The following PKN3 variants were observed in gnomAD, a reference collection of about 807,000 sequenced individuals.
PKN3 encodes the protein protein kinase N3, also known as serine/threonine-protein kinase N3.
In PKN3, 91 loss-of-function variants were observed where a neutral mutation model predicts 113.1. The observed-to-expected ratio is 0.80, with a 90% CI of 0.68 to 0.96. PKN3 has a LOEUF of 0.96. PKN3 is among the 40% of genes least tolerant of loss of function. The probability of loss-of-function intolerance (pLI) is 0.00; values close to 1 mark genes in which losing one functional copy is unlikely to be tolerated. For missense variants in PKN3, 1,052 were observed against 1,202.2 expected, an observed-to-expected ratio of 0.88 and a Z score of 1.85; for synonymous variants, 467 against 499.0, an observed-to-expected ratio of 0.94 and a Z score of 0.85.
At chr9:128,706,660 G>A (rs942205660) in intron 3 of PKN3, 53 bp from the exon 4 acceptor site, 50 of 1,332,672 alleles carry the variant, frequency 3.8e-5, no homozygotes, top group Admixed American at 8.3e-5. Context: ...TGGTCTGATG[G>A]GGGAAGCTGT....
chr9:128,709,768 T>G (rs1266833591), intron 6 of PKN3: 2 of 146,510 alleles, frequency 1.4e-5, no homozygotes, highest in African/African-American at 2.5e-5. Flanking sequence ...AAAAAAAAAT[T>G]TGCAAAAATT....
chr9:128,703,523 CAGT>C, intron 1 of PKN3: 2 of 985,212 alleles, frequency 2.0e-6, no homozygotes, highest in Non-Finnish European at 2.4e-6. Context: ...CCAGAGCTGG[CAGT>C]AGGTGCGCGT....
chr9:128,706,303 C>T (rs978388747), intron 3 of PKN3, among the ~76,000 whole-genome samples: 1 of 148,520 alleles, frequency 6.7e-6, no homozygotes, highest in African/African-American at 2.5e-5. Context: ...TAGCCCCTGC[C>T]CTCATCTAAT....
Position 128,714,862 on chromosome 9 carries a change from C to G in PKN3, c.1649C>G (p.Thr550Ser). 1.9e-6 allele frequency: 3 copies of G among 1,613,652 alleles called. No homozygotes were observed. The highest frequency in any genetic ancestry group is 2.5e-6 in the Non-Finnish European group (3 of 1,179,598). The change falls in exon 13 of 22, where the codon ACC (threonine) becomes AGC (serine). Residue 550 changes from threonine (T) to serine (S), a missense_variant. Thr to Ser is a moderately conservative substitution (Grantham distance 58, BLOSUM62 1). Coordinates refer to ENST00000291906, the MANE Select transcript of PKN3 (RefSeq NM_013355.5). ...GGGCCATCTCCACCAGCCTCCCCCACCAGGTACCCCATCCTGCGCACCTTC... is the reference window on the plus strand; with the variant it reads ...GGGCCATCTCCACCAGCCTCCCCCAGCAGGTACCCCATCCTGCGCACCTTC... ...RRGPSPPASP[T>S]RKPPRLQDFR...
Position 128,714,255 on chromosome 9 carries a change from C to G in PKN3, c.1371C>G (p.Leu457=). The change falls in exon 11 of 22, where the codon CTC becomes CTG. Residue 457 remains leucine (L), a synonymous_variant. Coordinates refer to ENST00000291906, the MANE Select transcript of PKN3 (RefSeq NM_013355.5). The part of the protein sequence containing the change: ...MNLGMAAWGR[L]VMNLLPPCSS... ...TCGGCATGGCGGCCTGGGGGCGCCTCGTCATGAACCTGCTGCCCCCCTGCA... is the reference window on the plus strand; with the variant it reads ...TCGGCATGGCGGCCTGGGGGCGCCTGGTCATGAACCTGCTGCCCCCCTGCA... 6.2e-7 allele frequency: 1 copy of G among 1,613,846 alleles called. No homozygotes were observed.
At chr9:128,717,117 C>CTTTTT (rs34182369) in intron 16 of PKN3, among the ~76,000 whole-genome samples, 194 bp downstream of exon 16, 1,118 of 24,332 alleles carry the variant, frequency 0.046, 428 homozygotes, top group African/African-American at 0.13. Context: ...CATTAGGTTT[C>CTTTTT]TTTTTTTTTT....
In PKN3 at chr9:128,713,187, G is replaced by A. The variant is rs1014967827; in HGVS notation, c.971G>A (p.Gly324Asp). The change falls in exon 7 of 22, where the codon GGC (glycine) becomes GAC (aspartate). Residue 324 changes from glycine (G) to aspartate (D), a missense_variant. This residue lies in a region of PKN3 where 719 missense variants were observed against 759.4 expected (regional missense o/e 0.95). Coordinates refer to ENST00000291906, the MANE Select transcript of PKN3 (RefSeq NM_013355.5). ...RTKAKHQRGRGELASEVLAVL... is the reference protein window; with the variant it reads ...RTKAKHQRGRDELASEVLAVL... ...AAGGCCAAGCACCAGCGTGGCCGAG[G>A]CGAGCTTGCCAGTGAGTAGGGAAGG... The A allele has an allele frequency of 6.2e-7, 1 of 1,606,984 alleles. No homozygotes were observed. Among genetic ancestry groups the A allele is most frequent in the African/African-American group, 1.3e-5 (1 of 74,812 alleles).
chr9:128,706,733 T>G lies in PKN3; in HGVS notation c.432T>G (p.Ala144=). ...CATAGGAGAGGAAGCTCCTGGCAGC[T>G]GCCCAGCAGATGCTGCGGGACAGCC... ...GTPKERKLLA[A]AQQMLRDSQL... Residue 144 remains alanine (A), a synonymous_variant, in exon 4 of 22, where the codon GCT becomes GCG. Coordinates refer to ENST00000291906, the MANE Select transcript of PKN3 (RefSeq NM_013355.5). 6.3e-7 allele frequency: 1 copy of G among 1,591,264 alleles called. No individual in the cohort carries two copies. The highest frequency in any genetic ancestry group is 8.6e-7 in the Non-Finnish European group (1 of 1,168,174).
At chr9:128,705,660 G>A in intron 2 of PKN3, 74 bp from the exon 3 acceptor site, 3 of 1,540,470 alleles carry the variant, frequency 1.9e-6, no homozygotes, top group Middle Eastern at 2.1e-4. Flanking sequence ...GATCAGTAGG[G>A]GAAGGAGGAA....
rs536918518 is a variant in PKN3, at chr9:128,720,289, C to A, written c.2457+6C>A. On this transcript the variant is annotated splice_donor_region_variant and intron_variant, in intron 21 of 21. Transcript: ENST00000291906. The surrounding 1 kb of genome is among the most constrained non-coding windows in gnomAD (Gnocchi z 5.5). ...AGGTCCAGCCATTCTTCAGGGTGAGCGGCTGGGGTGGCGGTGGTCCCCTGT... is the reference window on the plus strand; with the variant it reads ...AGGTCCAGCCATTCTTCAGGGTGAGAGGCTGGGGTGGCGGTGGTCCCCTGT... 1.2e-6 allele frequency: 2 copies of A among 1,613,428 alleles called. No homozygotes were observed. Among genetic ancestry groups the A allele is most frequent in the African/African-American group, 1.3e-5 (1 of 74,884 alleles).
At chr9:128,704,885 T>G (rs1025338916) in intron 1 of PKN3, among the ~76,000 whole-genome samples, 2 of 145,858 alleles carry the variant, frequency 1.4e-5, no homozygotes, top group Non-Finnish European at 3.0e-5. Context: ...GCCATGGCAC[T>G]CCAGCCTGGG....
At chr9:128,707,540 T>G in intron 6 of PKN3, 135 bp downstream of exon 6, 1 of 697,236 alleles carries the variant, frequency 1.4e-6, no homozygotes, top group Non-Finnish European at 2.4e-6. Context: ...CTTGGCAAAC[T>G]GACATTCCTT....
At chr9:128,714,704 G>A (rs1423381662) in intron 12 of PKN3, 40 bp downstream of exon 12, 1 of 1,366,838 alleles carries the variant, frequency 7.3e-7, no homozygotes, top group African/African-American at 1.4e-5. Context: ...AGGGCCGGCT[G>A]GGGCTGGCAG....
chr9:128,720,136 G>T lies in PKN3; in HGVS notation c.2377-67G>T. On this transcript the variant is annotated intron_variant, in intron 20 of 21. Transcript: ENST00000291906. The surrounding 1 kb of genome is among the most constrained non-coding windows in gnomAD (Gnocchi z 5.5). ...TAGAGCGCTCTGGGCCAGCGTGCTTGGGGCCTGTGGATGATGGCAGTGCCT... is the reference window on the plus strand; with the variant it reads ...TAGAGCGCTCTGGGCCAGCGTGCTTTGGGCCTGTGGATGATGGCAGTGCCT... The T allele has an allele frequency of 6.4e-7, 1 of 1,558,514 alleles. No individual in the cohort carries two copies. Among genetic ancestry groups the T allele is most frequent in the South Asian group, 1.1e-5 (1 of 89,344 alleles).
At position 128,702,716 on chromosome 9, in the gene PKN3, G is replaced by C; in HGVS notation, c.-200G>C. The C allele has an allele frequency of 2.1e-6, 1 of 485,672 alleles. No individual in the cohort carries two copies. The highest frequency in any genetic ancestry group is 3.6e-6 in the Non-Finnish European group (1 of 279,320). 30.1% of individuals were successfully genotyped at this position (485,672 alleles called of 1,614,324 possible). On this transcript the variant is annotated 5_prime_UTR_variant, in exon 1 of 22. Transcript: ENST00000291906. ...CGCTGGGGCGCGGGACCTCGGGCGT[G>C]GGGTCCCGGGCGCTGGATCGGCGCG...
chr9:128,718,912 T>TTTTTTTTG (rs1862431350), intron 18 of PKN3, among the ~76,000 whole-genome samples: 1 of 148,308 alleles, frequency 6.7e-6, no homozygotes, highest in African/African-American at 2.5e-5. Flanking sequence ...GTTTTTTTTT[T>TTTTTTTTG]TGAGACGGAG....
chr9:128,709,479 C>T (rs568597424), intron 6 of PKN3, among the ~76,000 whole-genome samples: 2 of 149,624 alleles, frequency 1.3e-5, no homozygotes, highest in East Asian at 4.0e-4. Context: ...AGGCTGGGCA[C>T]GGCAGCTCAT....
At chr9:128,712,106 C>T (rs777443644) in intron 6 of PKN3, among the ~76,000 whole-genome samples, 71 of 152,280 alleles carry the variant, frequency 4.7e-4, no homozygotes, top group Non-Finnish European at 6.6e-4. Flanking sequence ...GATGGGGTTT[C>T]GCCATGTTGG....
intron 16 of PKN3, 81 bp downstream of exon 16, chr9:128,717,004 C>G (rs765235950): frequency 2.4e-5 from 29 of 1,197,894 alleles, no homozygotes; most frequent in Non-Finnish European, 3.4e-5. Context: ...ACTGCTTTCT[C>G]CAAGTGCCCA....
Sources: gnomAD v4.1 joint callset for allele counts (sites outside exome capture counted in the v4.1 genomes callset) on GRCh38, gnomAD v4.1.1 for gene constraint, gnomAD v4.1.1 regional missense constraint, Gnocchi (gnomAD v3.1) non-coding constraint, MANE v1.5 for transcripts, NCBI Gene and HGNC (gene_info 2026-07-23, HGNC 2026-07-21) for gene names.